Variants in SYCE1 observed in about 807,000 individuals in gnomAD.
SYCE1 encodes cancer/testis antigen 76.
In SYCE1, 37 loss-of-function variants were observed where a neutral mutation model predicts 55.1. The observed-to-expected ratio is 0.67, with a 90% CI of 0.52 to 0.88. The LOEUF (loss-of-function observed/expected upper bound fraction) is 0.88. SYCE1 is among the 40% of genes least tolerant of loss of function. The pLI is 0.00. For synonymous variants in SYCE1, 163 were observed against 159.4 expected, an observed-to-expected ratio of 1.02 and a Z score of -0.17; for missense variants, 399 against 416.4, an observed-to-expected ratio of 0.96 and a Z score of 0.36.
chr10:133,559,144 C>T (rs555283863), intron 3 of SYCE1, 157 bp downstream of exon 3: 80 of 924,726 alleles, frequency 8.7e-5, no homozygotes, highest in East Asian at 1.8e-4. Context: ...CTATGGCAGT[C>T]GCATGCTGAA....
chr10:133,559,442 G>GC, intron 2 of SYCE1, 82 bp from the exon 3 acceptor site: 3 of 1,369,082 alleles, frequency 2.2e-6, no homozygotes, highest in Non-Finnish European at 3.1e-6. Context: ...CTGCTTTCAC[G>GC]CAACACAGAT....
intron 2 of SYCE1, 164 bp from the exon 3 acceptor site, chr10:133,559,524 T>G: frequency 4.5e-6 from 3 of 666,002 alleles, no homozygotes; most frequent in Non-Finnish European, 8.1e-6. Context: ...TGGGCAAGAC[T>G]GGGAACAGAC....
rs116959513 is a variant in SYCE1 at position 133,564,048 on chromosome 10, G to A, written c.73+1409C>T. Among the ~76,000 whole-genome samples the A allele has an allele frequency of 6.3e-3, 943 of 150,326 alleles. 6 individuals carry two copies. Among genetic ancestry groups the A allele is most frequent in the Non-Finnish European group, 6.1e-3 (412 of 67,684 alleles). On this transcript the variant is annotated intron_variant, in intron 1 of 12. Transcript: ENST00000343131. ...GAATCTTGTCCTTTAAATTTCTTCT[G>A]TAGCTGGTCACTATAGAATGTTTGT... is the stretch of plus-strand genomic sequence containing the variant.
At chr10:133,567,942 TG>T (rs1202857705), upstream of SYCE1, 3 of 557,316 alleles carry the variant, frequency 5.4e-6, no homozygotes, top group Admixed American at 2.2e-5. Flanking sequence ...GGCAGGACGG[TG>T]GATGGCGGGT....
chr10:133,559,133 A>G (rs1245910727), intron 3 of SYCE1, 168 bp downstream of exon 3: 43 of 918,046 alleles, frequency 4.7e-5, no homozygotes, highest in Non-Finnish European at 6.7e-5. Context: ...TGGGCATGTA[A>G]CTATGGCAGT....
intron 8 of SYCE1, 42 bp from the exon 9 acceptor site, chr10:133,556,089 C>A (rs770833615): frequency 1.2e-6 from 2 of 1,604,046 alleles, no homozygotes; most frequent in Admixed American, 1.7e-5. Flanking sequence ...TCTTGGCTTT[C>A]CCCCATGCCT....
chr10:133,555,782 T>G lies in SYCE1; in HGVS notation c.717A>C (p.Thr239=), dbSNP rs1271037942. ...CCCTCTTCCCCTCCACATCTTACAC[T>G]GTGGCTGCAGCCTCCTGGCTGCGGA... is the stretch of plus-strand genomic sequence containing the variant. ...LFLRSQEAAA[T]VQLFQEEHRK... The change falls in exon 10 of 13, where the codon ACA becomes ACC. Residue 239 remains threonine, a splice_region_variant and synonymous_variant. Coordinates refer to ENST00000343131, the MANE Select transcript of SYCE1 (RefSeq NM_001143764.3). The G allele has an allele frequency of 1.2e-6, 2 of 1,612,530 alleles. No individual in the cohort carries two copies. The highest frequency in any genetic ancestry group is 1.7e-6 in the Non-Finnish European group (2 of 1,179,946).
At chr10:133,564,360 A>G (rs1851879634) in intron 1 of SYCE1, 1 of 981,610 alleles carries the variant, frequency 1.0e-6, no homozygotes, top group Non-Finnish European at 1.2e-6. Context: ...CTGTTGTAGC[A>G]GTTTGAACTA....
In SYCE1 at chr10:133,565,405, C is replaced by T. The variant is rs1390014707; in HGVS notation, c.73+52G>A. The T allele has an allele frequency of 3.4e-6, 5 of 1,459,450 alleles. No homozygotes were observed. The African/African-American group carries it at 5.8e-5, about 17-fold the overall frequency. 90.4% of individuals were successfully genotyped at this position (1,459,450 alleles called of 1,614,324 possible). On this transcript the variant is annotated intron_variant, in intron 1 of 12. Coordinates refer to ENST00000343131, the MANE Select transcript of SYCE1 (RefSeq NM_001143764.3). ...CGCCACCCGCGCCCCAACCCTGCCC[C>T]GCCTCGGCGAGGTCAGACCCTCACG...
chr10:133,560,043 C>T, intron 2 of SYCE1, 48 bp downstream of exon 2: 2 of 1,551,290 alleles, frequency 1.3e-6, no homozygotes, highest in Non-Finnish European at 1.8e-6. Context: ...CCCACATCTG[C>T]CTGGCCCCAA....
intron 6 of SYCE1, chr10:133,557,618 C>T: frequency 1.7e-6 from 1 of 578,980 alleles, no homozygotes; most frequent in Non-Finnish European, 3.1e-6. Flanking sequence ...GAGTAAAAGG[C>T]AAAAAATAAA....
intron 1 of SYCE1, among the ~76,000 whole-genome samples, chr10:133,562,588 G>A (rs1480052098): frequency 1.3e-5 from 2 of 152,068 alleles, no homozygotes; most frequent in Admixed American, 6.6e-5. Flanking sequence ...AAACACACAA[G>A]TTCATGTCAG....
rs775917241 is a variant in SYCE1, at chr10:133,557,185, T to G, written c.375-29A>C. 5 of 1,604,214 alleles carry G rather than the reference T, an allele frequency of 3.1e-6. No individual in the cohort carries two copies. In the East Asian group the frequency reaches 1.1e-4, roughly 36 times the overall value. ...GGAGAGGCGAGGCAGCCCTCAGCCA[T>G]GTTCTCTTAAGCCCCAGGAGGGCAC... On this transcript the variant is annotated intron_variant, in intron 6 of 12. Transcript: ENST00000343131.
Position 133,555,067 on chromosome 10 carries a change from G to A in SYCE1, c.981C>T (p.Val327=), listed in dbSNP as rs1372391397. 1.3e-6 allele frequency: 2 copies of A among 1,551,352 alleles called. No individual in the cohort carries two copies. Among genetic ancestry groups the A allele is most frequent in the Non-Finnish European group, 1.7e-6 (2 of 1,146,960 alleles). Residue 327 remains valine, a synonymous_variant, in exon 13 of 13, where the codon GTC becomes GTT. Coordinates refer to ENST00000343131, the MANE Select transcript of SYCE1 (RefSeq NM_001143764.3). Reference sequence around the variant, plus strand: ...GGAGTGTGTCCTCCTGGCCTATGAGGACATCAGGCCCTGCTTGGTGTGCAG... The same window carrying A: ...GGAGTGTGTCCTCCTGGCCTATGAGAACATCAGGCCCTGCTTGGTGTGCAG... The part of the protein sequence containing the change: ...PGAAHQAGPD[V]LIGQEDTLHP...
intron 1 of SYCE1, chr10:133,560,359 A>AC (rs1851791198): frequency 2.1e-6 from 1 of 469,172 alleles, no homozygotes; most frequent in South Asian, 3.3e-5. Flanking sequence ...TCCTCTTTGT[A>AC]AAACTCTGGG....
intron 11 of SYCE1, 41 bp from the exon 12 acceptor site, chr10:133,555,479 A>C: frequency 6.2e-7 from 1 of 1,613,002 alleles, no homozygotes; most frequent in South Asian, 1.1e-5. Flanking sequence ...AAGAGGAGGA[A>C]AGGGTGGAGG....
chr10:133,558,758 T>G, intron 4 of SYCE1, 119 bp downstream of exon 4: 8 of 951,334 alleles, frequency 8.4e-6, no homozygotes, highest in Non-Finnish European at 1.3e-5. Flanking sequence ...TGGCAGGACA[T>G]GAGGCTAGAG....
At chr10:133,566,491 T>G (rs1211036903), upstream of SYCE1, among the ~76,000 whole-genome samples, 1 of 149,168 alleles carries the variant, frequency 6.7e-6, no homozygotes, top group Non-Finnish European at 1.5e-5. Flanking sequence ...GGGGTTAGAA[T>G]TAGGGTTTGG....
intron 7 of SYCE1, 104 bp from the exon 8 acceptor site, chr10:133,556,926 A>G (rs1851698642): frequency 2.0e-6 from 3 of 1,520,440 alleles, no homozygotes; most frequent in Admixed American, 1.7e-5. Context: ...TGCTTTGCCC[A>G]TGGTCTCTGC....
Sources: allele counts gnomAD v4.1 joint callset (sites outside exome capture counted in the v4.1 genomes callset), GRCh38; gene constraint gnomAD v4.1.1; transcripts MANE v1.5; gene names NCBI Gene and HGNC (gene_info 2026-07-23, HGNC 2026-07-21).